Variants in MRE11 observed in about 807,000 individuals in gnomAD.
MRE11 encodes double-strand break repair protein MRE11.
A neutral mutation model predicts 91.7 loss-of-function variants in MRE11; 62 were observed. The observed-to-expected ratio is 0.68, with a 90% CI of 0.55 to 0.84. The LOEUF (loss-of-function observed/expected upper bound fraction) is 0.84, where lower values mean the gene tolerates loss of function less well. MRE11 is among the 40% of genes least tolerant of loss of function. The pLI is 0.00. For synonymous variants in MRE11, 273 were observed against 271.4 expected, an observed-to-expected ratio of 1.01 and a Z score of -0.06; for missense variants, 796 against 852.9, an observed-to-expected ratio of 0.93 and a Z score of 0.83.
At chr11:94,485,516 A>ATCTCAAAAAC (rs13447601) in intron 4 of MRE11, among the ~76,000 whole-genome samples, 2 of 152,056 alleles carry the variant, frequency 1.3e-5, no homozygotes, top group East Asian at 1.9e-4. Flanking sequence ...AAACAAAAAA[A>ATCTCAAAAAC]TCTCAATTTT....
chr11:94,469,256 T>C (rs187683719), intron 9 of MRE11, among the ~76,000 whole-genome samples: 36 of 152,256 alleles, frequency 2.4e-4, no homozygotes, highest in African/African-American at 7.7e-4. Context: ...TAAGGACATT[T>C]GGCAAGGTCT....
At chr11:94,445,951 T>C in intron 15 of MRE11, 58 bp from the exon 16 acceptor site, 1 of 1,230,642 alleles carries the variant, frequency 8.1e-7, no homozygotes, top group Non-Finnish European at 1.2e-6. Flanking sequence ...GTTTATTTCA[T>C]ACAACACTAA....
chr11:94,483,045 T>C (rs1415869931), intron 4 of MRE11, among the ~76,000 whole-genome samples: 1 of 152,198 alleles, frequency 6.6e-6, no homozygotes. Context: ...ATTATACAAA[T>C]CTTTTAAAAC....
intron 7 of MRE11, chr11:94,475,764 A>C (rs943468711): frequency 7.8e-6 from 3 of 383,628 alleles, no homozygotes; most frequent in Non-Finnish European, 1.5e-5. Context: ...AAAAGCAAAA[A>C]ACTCCTGTTC....
chr11:94,457,411 G>A (rs1490974649), intron 13 of MRE11, among the ~76,000 whole-genome samples: 4 of 152,206 alleles, frequency 2.6e-5, no homozygotes, highest in Admixed American at 6.5e-5. Flanking sequence ...GGAACAGAGA[G>A]CAGTAGCTAA....
chr11:94,505,085 C>A, the MRE11 span, among the ~76,000 whole-genome samples: 2 of 152,152 alleles, frequency 1.3e-5, no homozygotes, highest in Non-Finnish European at 2.9e-5. Flanking sequence ...TACTGCACTG[C>A]CAGTCATGTT....
At chr11:94,456,103 G>A (rs1338391379) in intron 14 of MRE11, among the ~76,000 whole-genome samples, 173 bp downstream of exon 14, 1 of 152,086 alleles carries the variant, frequency 6.6e-6, no homozygotes, top group East Asian at 1.9e-4. Flanking sequence ...AAAGAGCAAT[G>A]AGCAGAATAT....
chr11:94,482,167 T>A (rs1032878175), intron 4 of MRE11, among the ~76,000 whole-genome samples: 12 of 152,238 alleles, frequency 7.9e-5, no homozygotes, highest in African/African-American at 2.9e-4. Flanking sequence ...ACCCAAGTAT[T>A]GTCTTTATGC....
At chr11:94,467,690 ATGGTGATTGCTCTTCTTAT>A in intron 10 of MRE11, 104 bp downstream of exon 10, 1 of 810,028 alleles carries the variant, frequency 1.2e-6, no homozygotes, top group East Asian at 2.7e-5. Flanking sequence ...TTTGCCTCCG[ATGGTGATTGCTCTTCTTAT>A]TACTATGAGC....
intron 10 of MRE11, among the ~76,000 whole-genome samples, chr11:94,465,270 G>C (rs1159847428): frequency 5.9e-5 from 9 of 152,072 alleles, no homozygotes; most frequent in Non-Finnish European, 1.3e-4. Context: ...TTAAAGTCTG[G>C]TTAGTTTTAA....
rs137852759 is a variant in MRE11 at position 94,437,206 on chromosome 11, G to C, written c.1897C>G (p.Arg633Gly). 6.2e-7 allele frequency: 1 copy of C among 1,612,704 alleles called. No individual in the cohort carries two copies. Among genetic ancestry groups the C allele is most frequent in the East Asian group, 2.2e-5 (1 of 44,726 alleles). Residue 633 changes from arginine to glycine, a missense_variant, in exon 17 of 20, where the codon CGA becomes GGA. By Grantham distance (125) the Arg-to-Gly change is moderately radical (BLOSUM62 -2). Transcript: ENST00000323929. ...GAATAATTCTTAGTAGTGACATTTC[G>C]GGAAGGCTGCTGTCTTGTAGATTTA... The part of the protein sequence containing the change: ...AFKSTRQQPS[R>G]NVTTKNYSEV...
chr11:94,491,863 A>T (rs1947291700), intron 2 of MRE11, among the ~76,000 whole-genome samples: 1 of 150,684 alleles, frequency 6.6e-6, no homozygotes. Flanking sequence ...ATATGCACAC[A>T]GTTCTCACTG....
rs1329501080 is a variant in MRE11 at position 94,419,548 on chromosome 11, C to T, written c.*577G>A. 3 of 231,768 alleles carry T rather than the reference C, an allele frequency of 1.3e-5. No homozygotes were observed. The highest frequency in any genetic ancestry group is 2.5e-5 in the Non-Finnish European group (3 of 117,792). The allele number at this position is 231,768 out of a possible 1,614,324, so 14.4% of individuals were successfully genotyped here. A position where few individuals can be genotyped will look rare whatever the true frequency, so the allele number is the denominator to read the frequency against. On this transcript the variant is annotated 3_prime_UTR_variant, in exon 20 of 20. Coordinates refer to ENST00000323929, the MANE Select transcript of MRE11 (RefSeq NM_005591.4). Reference sequence around the variant, plus strand: ...GGAAATTACTACCACTTAATGGGAACACAATCTTTTGAAATCTTTGCTACA... The same window carrying T: ...GGAAATTACTACCACTTAATGGGAATACAATCTTTTGAAATCTTTGCTACA...
At chr11:94,506,151 A>C in the MRE11 span, among the ~76,000 whole-genome samples, 1 of 151,220 alleles carries the variant, frequency 6.6e-6, no homozygotes, top group East Asian at 1.9e-4. Flanking sequence ...ACCATCCTGG[A>C]TTTTTTTTCA....
At chr11:94,486,668 C>T (rs531808845) in intron 3 of MRE11, among the ~76,000 whole-genome samples, 3 of 152,226 alleles carry the variant, frequency 2.0e-5, no homozygotes, top group African/African-American at 7.2e-5. Flanking sequence ...CTGGGGTGCA[C>T]TAGAATGGAC....
intron 2 of MRE11, 166 bp downstream of exon 2, chr11:94,492,616 A>G: frequency 3.2e-6 from 4 of 1,237,708 alleles, no homozygotes; most frequent in Non-Finnish European, 3.4e-6. Context: ...TAACAAACAG[A>G]TAAATATTTA....
At chr11:94,435,125 C>A (rs899789050) in intron 18 of MRE11, among the ~76,000 whole-genome samples, 1 of 152,118 alleles carries the variant, frequency 6.6e-6, no homozygotes, top group Non-Finnish European at 1.5e-5. Context: ...CTACGTGATC[C>A]CCTTTTAAGT....
intron 11 of MRE11, among the ~76,000 whole-genome samples, chr11:94,463,864 G>A (rs1946487018): frequency 6.6e-6 from 1 of 152,026 alleles, no homozygotes; most frequent in Admixed American, 6.6e-5. Context: ...ACACCAACAT[G>A]GCACATGTAT....
intron 7 of MRE11, among the ~76,000 whole-genome samples, chr11:94,472,240 A>C (rs1346234946): frequency 6.6e-6 from 1 of 152,114 alleles, no homozygotes; most frequent in Non-Finnish European, 1.5e-5. Context: ...AAGAGTTTTC[A>C]ATATCAAATA....
Sources: allele counts gnomAD v4.1 joint callset (sites outside exome capture counted in the v4.1 genomes callset), GRCh38; gene constraint gnomAD v4.1.1; transcripts MANE v1.5; gene names NCBI Gene and HGNC (gene_info 2026-07-23, HGNC 2026-07-21).